Variants in MTCL2 observed in about 807,000 individuals in gnomAD.
The protein encoded by MTCL2 is microtubule crosslinking factor 2.
At chr20:36,862,913 G>A in the MTCL2 span, 1 of 1,300,110 alleles carries the variant, frequency 7.7e-7, no homozygotes, top group Non-Finnish European at 9.8e-7. Context: ...CCGCGGACTC[G>A]GCGTCGCTGC....
the MTCL2 span, chr20:36,812,949 T>G: frequency 7.3e-7 from 1 of 1,365,536 alleles, no homozygotes. Flanking sequence ...CTAAGAGGCT[T>G]GAACCACCCA....
chr20:36,827,357 CTTT>C, the MTCL2 span, among the ~76,000 whole-genome samples: 2,686 of 116,268 alleles, frequency 0.023, 57 homozygotes, highest in South Asian at 0.11. Flanking sequence ...CTGGACCCCC[CTTT>C]TTTTTTTTTT....
At chr20:36,822,349 G>T in the MTCL2 span, among the ~76,000 whole-genome samples, 3 of 152,280 alleles carry the variant, frequency 2.0e-5, no homozygotes, top group Non-Finnish European at 4.4e-5. Context: ...CAGGAATGCA[G>T]CCGCAAGGCC....
the MTCL2 span, among the ~76,000 whole-genome samples, chr20:36,833,160 G>A: frequency 1.1e-4 from 17 of 152,154 alleles, no homozygotes; most frequent in Non-Finnish European, 2.1e-4. Context: ...CTCACTCTCA[G>A]GCTGATTTTG....
chr20:36,852,562 G>C, the MTCL2 span, among the ~76,000 whole-genome samples: 7 of 152,248 alleles, frequency 4.6e-5, no homozygotes, highest in Admixed American at 2.0e-4. Context: ...AGCAGCAGGG[G>C]AGGGAAACCA....
At chr20:36,788,377 C>T in the MTCL2 span, among the ~76,000 whole-genome samples, 18 of 152,008 alleles carry the variant, frequency 1.2e-4, no homozygotes, top group African/African-American at 3.1e-4. Flanking sequence ...ATGGCCCGGG[C>T]GCGGTGGCTC....
the MTCL2 span, among the ~76,000 whole-genome samples, chr20:36,837,546 A>ATAT: frequency 2.3e-3 from 316 of 135,048 alleles, no homozygotes; most frequent in Middle Eastern, 3.6e-3. Context: ...CATTTTACCC[A>ATAT]CATTATTATT....
the MTCL2 span, among the ~76,000 whole-genome samples, chr20:36,791,754 G>C: frequency 6.6e-6 from 1 of 152,204 alleles, no homozygotes; most frequent in African/African-American, 2.4e-5. Flanking sequence ...TTGTGCAAAT[G>C]CAACAGAGAG....
the MTCL2 span, among the ~76,000 whole-genome samples, chr20:36,820,009 C>G: frequency 6.6e-6 from 1 of 152,140 alleles, no homozygotes; most frequent in Non-Finnish European, 1.5e-5. Context: ...ACGGGGCACA[C>G]AGAAGCAGAC....
the MTCL2 span, among the ~76,000 whole-genome samples, chr20:36,807,960 C>A: frequency 0.016 from 2,388 of 146,332 alleles, 56 homozygotes; most frequent in African/African-American, 0.057. Flanking sequence ...ACTGCAAGCT[C>A]CGCCTCCTGG....
At chr20:36,849,209 G>T in the MTCL2 span, among the ~76,000 whole-genome samples, 1 of 150,962 alleles carries the variant, frequency 6.6e-6, no homozygotes, top group South Asian at 2.1e-4. Flanking sequence ...TTACAGGCAT[G>T]CAGCACCACG....
At chr20:36,784,791 A>C in the MTCL2 span, 1 of 985,612 alleles carries the variant, frequency 1.0e-6, no homozygotes, top group Admixed American at 6.2e-5. Context: ...CATAAGGCTA[A>C]GGAGAGAGGC....
chr20:36,782,751 C>G, the MTCL2 span: 1 of 152,124 alleles, frequency 6.6e-6, no homozygotes, highest in Admixed American at 6.6e-5. Context: ...GCCAGGCTGG[C>G]GTTGAACTCC....
At chr20:36,828,831 G>T in the MTCL2 span, 1 of 507,190 alleles carries the variant, frequency 2.0e-6, no homozygotes, top group Middle Eastern at 5.1e-4. Flanking sequence ...ACAGGAACTG[G>T]GTGTGTTTTG....
chr20:36,798,360 G>A, the MTCL2 span, among the ~76,000 whole-genome samples: 1 of 152,324 alleles, frequency 6.6e-6, no homozygotes, highest in Non-Finnish European at 1.5e-5. Flanking sequence ...GAGGCACCGC[G>A]TCTGGCCGCA....
the MTCL2 span, among the ~76,000 whole-genome samples, chr20:36,844,430 T>C: frequency 2.0e-5 from 3 of 147,530 alleles, no homozygotes; most frequent in Non-Finnish European, 3.0e-5. Flanking sequence ...ATAACAACAA[T>C]AATAATAATG....
chr20:36,851,989 C>CTCAA, the MTCL2 span, among the ~76,000 whole-genome samples: 2 of 152,168 alleles, frequency 1.3e-5, no homozygotes, highest in East Asian at 3.8e-4. Context: ...AGTGGTGGGG[C>CTCAA]TCAAGTCCCA....
At chr20:36,802,597 A>G in the MTCL2 span, among the ~76,000 whole-genome samples, 2 of 152,130 alleles carry the variant, frequency 1.3e-5, no homozygotes, top group African/African-American at 4.8e-5. Flanking sequence ...AACAGTGGCC[A>G]TATTTGGGAA....
chr20:36,854,348 G>A, the MTCL2 span, among the ~76,000 whole-genome samples: 1 of 152,110 alleles, frequency 6.6e-6, no homozygotes. Flanking sequence ...AATCAACATC[G>A]TGGTAAATGC....
Sources: allele counts gnomAD v4.1 joint callset (sites outside exome capture counted in the v4.1 genomes callset), GRCh38; gene constraint gnomAD v4.1.1; transcripts MANE v1.5; gene names NCBI Gene and HGNC (gene_info 2026-07-23, HGNC 2026-07-21).